The following NTMT1 variants were observed in gnomAD, a reference collection of about 807,000 sequenced individuals.
NTMT1 encodes the protein N-terminal RCC1 methyltransferase.
A neutral mutation model predicts 17.5 loss-of-function variants in NTMT1; 8 were observed. The ratio of observed to expected loss-of-function variants is 0.46; its 90% CI spans 0.27 to 0.82. NTMT1 has a LOEUF of 0.82. Among genes scored for constraint, NTMT1 ranks in the 40% least tolerant of loss-of-function variants. NTMT1 has a pLI of 0.15. For missense variants in NTMT1, 221 were observed against 303.5 expected (o/e 0.73, Z 2.02); for synonymous variants, 128 against 126.8 (o/e 1.01, Z -0.06).
chr9:129,612,819 C>T (rs982628475), intron 1 of NTMT1, among the ~76,000 whole-genome samples: 14 of 152,056 alleles, frequency 9.2e-5, no homozygotes, highest in African/African-American at 3.4e-4. Context: ...GACAGAGCAA[C>T]ACTCTGTCTC....
rs1279800812 is a variant in NTMT1 at position 129,635,502 on chromosome 9, T to G, written c.*38T>G. 1 of 1,581,280 alleles carries G rather than the reference T, an allele frequency of 6.3e-7. No individual in the cohort carries two copies. The highest frequency in any genetic ancestry group is 8.6e-7 in the Non-Finnish European group (1 of 1,161,754). ...AGGAGAAACTGAGGAACCACAGTCC[T>G]GGTGGGGGGAGCTGGCAGCTGGGCA... On this transcript the variant is annotated 3_prime_UTR_variant, in exon 4 of 4. Transcript: ENST00000372483.
At chr9:129,632,103 G>A (rs1281724155) in intron 1 of NTMT1, among the ~76,000 whole-genome samples, 1 of 152,110 alleles carries the variant, frequency 6.6e-6, no homozygotes, top group Non-Finnish European at 1.5e-5. Flanking sequence ...ATTGATCAGG[G>A]TTTTCTGTGC....
At chr9:129,610,481 TG>T (rs1830088942) in intron 1 of NTMT1, among the ~76,000 whole-genome samples, 2 of 149,654 alleles carry the variant, frequency 1.3e-5, no homozygotes, top group South Asian at 4.2e-4. Flanking sequence ...AGAGGGAAGT[TG>T]GGGGGCGGGG....
At position 129,613,661 on chromosome 9, in the gene NTMT1, T is replaced by G; in HGVS notation, c.-55+4483T>G. The G allele has an allele frequency of 1.9e-6, 3 of 1,594,396 alleles. No homozygotes were observed. Among genetic ancestry groups the G allele is most frequent in the Non-Finnish European group, 2.6e-6 (3 of 1,167,566 alleles). On this transcript the variant is annotated intron_variant, in intron 1 of 3. Coordinates refer to the NTMT1 transcript ENST00000372486. This position sits in a 1 kb window ranked among gnomAD's most constrained non-coding sequence, Gnocchi z 6.2. ...GGAGGGCACTGGTGCCCCCACCCTC[T>G]TTTCCTCCCTCTGGCAGGCAGGGCC...
chr9:129,618,590 G>A (rs1830505151), intron 1 of NTMT1, among the ~76,000 whole-genome samples: 1 of 152,204 alleles, frequency 6.6e-6, no homozygotes, highest in Non-Finnish European at 1.5e-5. Context: ...ACAGTGTCCT[G>A]GGTTTACAAG....
In NTMT1 at chr9:129,620,794, C is replaced by G. The variant is rs1267575880; in HGVS notation, c.-55+11616C>G. 2.5e-6 allele frequency: 1 copy of G among 403,674 alleles called. No individual in the cohort carries two copies. Among genetic ancestry groups the G allele is most frequent in the Admixed American group, 4.5e-5 (1 of 22,452 alleles). The allele number at this position is 403,674 out of a possible 1,614,324, so 25.0% of individuals were successfully genotyped here. ...TGAAAAATGGTGACAGCAAGAGTAGCCAACTTTGGGGGTTGCTGTGACGTT... is the reference window on the plus strand; with the variant it reads ...TGAAAAATGGTGACAGCAAGAGTAGGCAACTTTGGGGGTTGCTGTGACGTT... On this transcript the variant is annotated intron_variant, in intron 1 of 3. Coordinates refer to the NTMT1 transcript ENST00000372486. This position sits in a 1 kb window ranked among gnomAD's most constrained non-coding sequence, Gnocchi z 5.8.
chr9:129,634,639 A>G (rs995035962), intron 3 of NTMT1: 1 of 268,992 alleles, frequency 3.7e-6, no homozygotes, highest in African/African-American at 2.2e-5. Context: ...AATAAGATGA[A>G]TAGTTTAAGC....
At position 129,614,629 on chromosome 9, in the gene NTMT1, C is replaced by T. The variant is rs138601295; in HGVS notation, c.-55+5451C>T. Reference sequence around the variant, plus strand: ...AGAAAATTCACTGGGAATGGCCAGGCGCGGTGGCTCATGCCTGTAATCCCA... The same window carrying T: ...AGAAAATTCACTGGGAATGGCCAGGTGCGGTGGCTCATGCCTGTAATCCCA... On this transcript the variant is annotated intron_variant, in intron 1 of 3. Coordinates refer to the NTMT1 transcript ENST00000372486. The surrounding 1 kb of genome is among the most constrained non-coding windows in gnomAD (Gnocchi z 4.4). 2.0e-4 allele frequency among the ~76,000 whole-genome samples: 30 copies of T among 152,174 alleles called. No homozygotes were observed. The East Asian group carries it at 3.3e-3, about 17-fold the overall frequency.
intron 1 of NTMT1, among the ~76,000 whole-genome samples, chr9:129,631,523 A>G (rs9299325): frequency 0.062 from 9,378 of 152,160 alleles, 369 homozygotes; most frequent in African/African-American, 0.097. Context: ...TACCGTGGCA[A>G]CCGTCTCCTC....
At chr9:129,610,216 G>GGAGGGGAAAGGGGGAGGGA (rs1168584422) in intron 1 of NTMT1, among the ~76,000 whole-genome samples, 3 of 98,428 alleles carry the variant, frequency 3.0e-5, no homozygotes, top group Non-Finnish European at 5.9e-5. Context: ...GGAGGGAGGG[G>GGAGGGGAAAGGGGGAGGGA]GAGGGGAAAG....
At chr9:129,618,315 C>A (rs544078046) in intron 1 of NTMT1, among the ~76,000 whole-genome samples, 8 of 152,182 alleles carry the variant, frequency 5.3e-5, no homozygotes, top group African/African-American at 1.9e-4. Context: ...TTACCTCCAT[C>A]CCTTAGTTTT....
At chr9:129,611,766 T>C (rs1830119022) in intron 1 of NTMT1, among the ~76,000 whole-genome samples, 1 of 152,012 alleles carries the variant, frequency 6.6e-6, no homozygotes, top group African/African-American at 2.4e-5. Context: ...GTTTGCTTGT[T>C]TTTTGAGACA....
chr9:129,629,818 A>G (rs577631709), intron 1 of NTMT1, among the ~76,000 whole-genome samples: 1 of 152,338 alleles, frequency 6.6e-6, no homozygotes, highest in South Asian at 2.1e-4. Flanking sequence ...TGAAGAGGGA[A>G]GCCAGGTGCA....
At chr9:129,618,872 T>G (rs1455235285) in intron 1 of NTMT1, among the ~76,000 whole-genome samples, 11 of 147,632 alleles carry the variant, frequency 7.5e-5, no homozygotes, top group Admixed American at 2.7e-4. Context: ...TTTTGTGTTT[T>G]TTTTTTTTTT....
At chr9:129,634,746 C>T in intron 3 of NTMT1, 2 of 218,138 alleles carry the variant, frequency 9.2e-6, no homozygotes, top group Non-Finnish European at 1.8e-5. Context: ...CAGCAGTCGG[C>T]CACCTCCTGA....
chr9:129,629,587 G>A (rs576014543), intron 1 of NTMT1, among the ~76,000 whole-genome samples: 42 of 152,150 alleles, frequency 2.8e-4, no homozygotes, highest in Non-Finnish European at 4.6e-4. Context: ...TTCTCCTTCC[G>A]GCAGTGTTGT....
At chr9:129,618,843 C>T (rs1253920196) in intron 1 of NTMT1, among the ~76,000 whole-genome samples, 1 of 151,004 alleles carries the variant, frequency 6.6e-6, no homozygotes, top group Non-Finnish European at 1.5e-5. Context: ...CAGGCGCCCG[C>T]CACCACGCCC....
At chr9:129,635,131 G>A in intron 3 of NTMT1, 77 bp from the exon 4 acceptor site, 1 of 1,515,676 alleles carries the variant, frequency 6.6e-7, no homozygotes, top group Non-Finnish European at 8.9e-7. Flanking sequence ...GGCTCAGCGG[G>A]GCTGAGAAGT....
At chr9:129,609,548 C>T (rs540783743) in intron 1 of NTMT1, among the ~76,000 whole-genome samples, 50 of 148,550 alleles carry the variant, frequency 3.4e-4, no homozygotes, top group African/African-American at 1.1e-3. Context: ...GCAGCCCCCC[C>T]ACCCCAAACC....
Sources: gnomAD v4.1 joint callset for allele counts (sites outside exome capture counted in the v4.1 genomes callset) on GRCh38, gnomAD v4.1.1 for gene constraint, Gnocchi (gnomAD v3.1) non-coding constraint, MANE v1.5 for transcripts, NCBI Gene and HGNC (gene_info 2026-07-23, HGNC 2026-07-21) for gene names.